SHROOM4: variants seen among roughly 807,000 people sequenced by gnomAD.
SHROOM4 encodes the protein protein Shroom4.
A neutral mutation model predicts 80.3 loss-of-function variants in SHROOM4; 17 were observed. The ratio of observed to expected loss-of-function variants is 0.21; its 90% CI spans 0.14 to 0.32. The LOEUF is 0.32. SHROOM4 is among the 10% of genes least tolerant of loss of function. The pLI, the probability that SHROOM4 is intolerant of heterozygous loss-of-function variation, is 1.00. For missense variants in SHROOM4, 993 were observed against 1,140.3 expected, an observed-to-expected ratio of 0.87 and a Z score of 1.86; for synonymous variants, 400 against 437.5, an observed-to-expected ratio of 0.91 and a Z score of 1.07.
intron 1 of SHROOM4, among the ~76,000 whole-genome samples, chrX:50,735,544 G>A (rs1934465069): frequency 9.0e-6 from 1 of 110,606 alleles, no homozygotes; most frequent in South Asian, 3.8e-4. Context: ...CAGAACAGGA[G>A]AATTTATTTT....
chrX:50,778,327 G>C (rs1935553222), intron 1 of SHROOM4, among the ~76,000 whole-genome samples: 1 of 112,222 alleles, frequency 8.9e-6, no homozygotes, highest in African/African-American at 3.2e-5. Flanking sequence ...GCATTACGTA[G>C]TAGACCCTCA....
chrX:50,650,517 A>ATT (rs782447766), intron 2 of SHROOM4, among the ~76,000 whole-genome samples: 1 of 99,534 alleles, frequency 1.0e-5, no homozygotes, highest in African/African-American at 3.6e-5. Context: ...CGCCTGGCTA[A>ATT]TTTTTTTTTT....
chrX:50,717,000 G>A (rs189196424), intron 1 of SHROOM4, among the ~76,000 whole-genome samples: 4 of 112,403 alleles, frequency 3.6e-5, no homozygotes, highest in South Asian at 7.4e-4. Context: ...CGTACCTGAC[G>A]TACGATGCCT....
intron 1 of SHROOM4, among the ~76,000 whole-genome samples, chrX:50,715,977 A>G (rs1298331747): frequency 9.0e-6 from 1 of 110,833 alleles, no homozygotes; most frequent in Non-Finnish European, 1.9e-5. Flanking sequence ...GGATGAATGG[A>G]TAAAGAAAAT....
intron 1 of SHROOM4, among the ~76,000 whole-genome samples, chrX:50,731,727 C>A (rs1934375922): frequency 1.8e-5 from 2 of 111,957 alleles, no homozygotes; most frequent in Admixed American, 1.9e-4. Context: ...TTGCCATTGT[C>A]CCTACCAGAG....
chrX:50,583,042 A>G (rs1422416406), downstream of SHROOM4, among the ~76,000 whole-genome samples: 5 of 109,090 alleles, frequency 4.6e-5, no homozygotes, highest in Non-Finnish European at 9.5e-5. Flanking sequence ...TATATAGAAC[A>G]TAAGAGATTT....
At chrX:50,604,268 C>A (rs1221649144) in intron 6 of SHROOM4, among the ~76,000 whole-genome samples, 1 of 111,972 alleles carries the variant, frequency 8.9e-6, no homozygotes, top group African/African-American at 3.2e-5. Context: ...AAGATAGATA[C>A]ATGCACACAT....
chrX:50,673,006 C>T (rs1932813067), intron 2 of SHROOM4, among the ~76,000 whole-genome samples: 2 of 111,019 alleles, frequency 1.8e-5, no homozygotes, highest in Admixed American at 9.6e-5. Context: ...ACAGCATTCA[C>T]CACTGGTGGA....
chrX:50,578,606 G>A, the SHROOM4 span, among the ~76,000 whole-genome samples: 2 of 111,149 alleles, frequency 1.8e-5, no homozygotes, highest in Non-Finnish European at 3.8e-5. Context: ...TGCCAGGCCA[G>A]TTTTTGTATT....
chrX:50,634,325 C>T lies in SHROOM4; in HGVS notation c.1748G>A (p.Arg583Gln), dbSNP rs192380439. 8 of 1,208,966 alleles carry T rather than the reference C, an allele frequency of 6.6e-6. No individual in the cohort carries two copies. The highest frequency in any genetic ancestry group is 5.9e-5 in the East Asian group (2 of 33,692). ...GTRGRSIQNR[R>Q]KSERFATNLR... ...ATTGGTAGCAAAACGCTCACTCTTC[C>T]GCCGGTTTTGGATCGAGCGGCCCCG... The change falls in exon 4 of 9, where the codon CGG becomes CAG. Residue 583 changes from arginine (R) to glutamine (Q), a missense_variant. Physicochemically the swap from Arg to Gln is conservative, Grantham distance 43. Transcript: ENST00000376020.
intron 3 of SHROOM4, 152 bp from the exon 4 acceptor site, chrX:50,635,820 A>C: frequency 1.9e-6 from 1 of 523,204 alleles, no homozygotes; most frequent in Non-Finnish European, 3.3e-6. Flanking sequence ...AGGGAAGAAG[A>C]TGGACATTGG....
rs1557249892 is a variant in SHROOM4 at position 50,611,545 on chromosome X, T to C, written c.2958-3361A>G. Reference sequence around the variant, plus strand: ...GTCGAAGAGAAAATCTAATTTGAAATTGTTGAATATCTAGAAAATGACAAC... The same window carrying C: ...GTCGAAGAGAAAATCTAATTTGAAACTGTTGAATATCTAGAAAATGACAAC... On this transcript the variant is annotated intron_variant, in intron 5 of 8. Coordinates refer to ENST00000376020, the MANE Select transcript of SHROOM4 (RefSeq NM_020717.5). Among the ~76,000 whole-genome samples, 8 of 112,291 alleles carry C rather than the reference T, an allele frequency of 7.1e-5. 1 individual carries two copies. Among genetic ancestry groups the C allele is most frequent in the Admixed American group, 5.7e-4 (6 of 10,582 alleles).
At chrX:50,797,212 GT>G (rs1323624355) in intron 1 of SHROOM4, among the ~76,000 whole-genome samples, 1 of 111,258 alleles carries the variant, frequency 9.0e-6, no homozygotes, top group African/African-American at 3.3e-5. Context: ...GGAGAGTTCA[GT>G]ATTACAGGAG....
chrX:50,602,514 G>C, intron 7 of SHROOM4, 119 bp downstream of exon 7: 1 of 729,190 alleles, frequency 1.4e-6, no homozygotes, highest in South Asian at 2.2e-5. Context: ...AGGCTGTATG[G>C]TTTCCATACT....
chrX:50,611,304 G>A (rs1467292069), intron 5 of SHROOM4, among the ~76,000 whole-genome samples: 2 of 109,086 alleles, frequency 1.8e-5, no homozygotes, highest in Non-Finnish European at 3.8e-5. Flanking sequence ...GCCCGCTACC[G>A]CGCCCGGCTA....
At chrX:50,646,728 G>A (rs1931855332) in intron 2 of SHROOM4, among the ~76,000 whole-genome samples, 1 of 109,347 alleles carries the variant, frequency 9.1e-6, no homozygotes, top group Admixed American at 9.8e-5. Context: ...CACCTCCTCT[G>A]AATAGCCAGT....
intron 1 of SHROOM4, among the ~76,000 whole-genome samples, chrX:50,813,362 G>A (rs1472277790): frequency 8.9e-6 from 1 of 111,863 alleles, no homozygotes. Context: ...GGATGTGTGC[G>A]CGTCCGGCCG....
Position 50,795,107 on chromosome X carries a change from T to TG in SHROOM4, c.117+18794_117+18795insC, listed in dbSNP as rs1569549151. ...ATATATGATATATATATATGATATA[T>TG]ATATATGATATATATATATGATATA... On this transcript the variant is annotated intron_variant, in intron 1 of 8. Transcript: ENST00000376020. Among the ~76,000 whole-genome samples the TG allele has an allele frequency of 9.7e-4, 43 of 44,387 alleles. 2 individuals carry two copies. Among genetic ancestry groups the TG allele is most frequent in the South Asian group, 3.0e-3 (2 of 658 alleles). The allele number at this position is 44,387 out of a possible 115,157, so 38.5% of individuals were successfully genotyped here.
chrX:50,633,109 A>C, intron 4 of SHROOM4, 69 bp downstream of exon 4: 1 of 968,588 alleles, frequency 1.0e-6, no homozygotes, highest in Non-Finnish European at 1.4e-6. Flanking sequence ...ATATTTTTAA[A>C]TAATTTACGT....
Sources: allele counts gnomAD v4.1 joint callset (sites outside exome capture counted in the v4.1 genomes callset), GRCh38; gene constraint gnomAD v4.1.1; transcripts MANE v1.5; gene names NCBI Gene and HGNC (gene_info 2026-07-23, HGNC 2026-07-21).